The following MDGA2 variants were observed in gnomAD, a reference collection of about 807,000 sequenced individuals.
The protein encoded by MDGA2 is MAM domain-containing glycosylphosphatidylinositol anchor protein 2.
MDGA2 carries 40 observed loss-of-function variants against 117.8 expected under a neutral mutation model. The observed-to-expected ratio is 0.34, with a 90% CI of 0.26 to 0.44. The LOEUF (loss-of-function observed/expected upper bound fraction) is 0.44, where lower values mean the gene tolerates loss of function less well. Among genes scored for constraint, MDGA2 ranks in the 20% least tolerant of loss-of-function variants. The pLI, the probability that MDGA2 is intolerant of heterozygous loss-of-function variation, is 1.00. For missense variants in MDGA2, 1,123 were observed against 1,250.6 expected, an observed-to-expected ratio of 0.90 and a Z score of 1.54; for synonymous variants, 452 against 439.0, an observed-to-expected ratio of 1.03 and a Z score of -0.37.
Position 47,614,022 on chromosome 14 carries a change from C to A in MDGA2, c.280+60495G>T, listed in dbSNP as rs570449104. Among the ~76,000 whole-genome samples the A allele has an allele frequency of 4.1e-5, 6 of 147,718 alleles. No homozygotes were observed. In the South Asian group the frequency reaches 6.5e-4, roughly 16 times the overall value. The stretch of plus-strand genomic sequence containing the variant: ...GAAGTTATGATAAACTTTTCCCGGA[C>A]AAAAATCAATTTTCCCCATAAAAAA... On this transcript the variant is annotated intron_variant, in intron 1 of 16. Transcript: ENST00000399232.
At chr14:47,376,868 C>G (rs1891490775) in intron 1 of MDGA2, among the ~76,000 whole-genome samples, 1 of 152,094 alleles carries the variant, frequency 6.6e-6, no homozygotes, top group African/African-American at 2.4e-5. Context: ...AAAGGGGGGG[C>G]ACAAACTTTC....
At chr14:47,568,229 T>C (rs1895955271) in intron 1 of MDGA2, among the ~76,000 whole-genome samples, 1 of 152,202 alleles carries the variant, frequency 6.6e-6, no homozygotes, top group Non-Finnish European at 1.5e-5. Flanking sequence ...TTTACTCCAG[T>C]ACCGCAAGTA....
At chr14:46,889,360 T>A (rs148065460) in intron 10 of MDGA2, among the ~76,000 whole-genome samples, 1 of 152,204 alleles carries the variant, frequency 6.6e-6, no homozygotes, top group East Asian at 1.9e-4. Flanking sequence ...TGACTGTGTA[T>A]TTTTTAGATA....
chr14:47,113,050 G>C (rs12880524), intron 5 of MDGA2, among the ~76,000 whole-genome samples: 1 of 151,654 alleles, frequency 6.6e-6, no homozygotes, highest in South Asian at 2.1e-4. Context: ...TCTTTTGAGA[G>C]GTGTCTGTTC....
At chr14:47,123,812 G>A (rs1018983132) in intron 5 of MDGA2, among the ~76,000 whole-genome samples, 2 of 151,976 alleles carry the variant, frequency 1.3e-5, no homozygotes, top group Non-Finnish European at 2.9e-5. Flanking sequence ...GAACAATGCT[G>A]TCCCCAAAAG....
chr14:46,849,137 ACT>A (rs1880960555), intron 15 of MDGA2, among the ~76,000 whole-genome samples: 1 of 151,874 alleles, frequency 6.6e-6, no homozygotes, highest in Admixed American at 6.6e-5. Flanking sequence ...TAGCAATAAA[ACT>A]CTTAGTACAG....
chr14:47,091,368 G>C (rs1879646748), intron 6 of MDGA2, among the ~76,000 whole-genome samples: 1 of 152,006 alleles, frequency 6.6e-6, no homozygotes, highest in South Asian at 2.1e-4. Flanking sequence ...TTAAAAAGCA[G>C]ACAATAAGTA....
At chr14:46,851,411 A>C (rs1881051489) in intron 15 of MDGA2, among the ~76,000 whole-genome samples, 1 of 151,894 alleles carries the variant, frequency 6.6e-6, no homozygotes, top group Non-Finnish European at 1.5e-5. Flanking sequence ...CCAATGTAGC[A>C]AAATCTGTTT....
chr14:47,090,126 G>A (rs370671106), intron 6 of MDGA2, among the ~76,000 whole-genome samples: 1 of 151,960 alleles, frequency 6.6e-6, no homozygotes, highest in Non-Finnish European at 1.5e-5. Flanking sequence ...AATAAGTTCA[G>A]AACAAATTAT....
intron 8 of MDGA2, among the ~76,000 whole-genome samples, chr14:46,990,212 T>C (rs1887032663): frequency 6.6e-6 from 1 of 152,102 alleles, no homozygotes; most frequent in South Asian, 2.1e-4. Context: ...AAGCACTTAT[T>C]ATAGTCCCTT....
chr14:47,375,666 TTTTTAGTTACCTCATAAA>T (rs1177581599), intron 1 of MDGA2, among the ~76,000 whole-genome samples: 1 of 152,120 alleles, frequency 6.6e-6, no homozygotes. Flanking sequence ...CAGATCTCAA[TTTTTAGTTACCTCATAAA>T]ACTTTTCCTG....
intron 6 of MDGA2, among the ~76,000 whole-genome samples, chr14:47,089,089 A>C (rs1378120685): frequency 6.6e-6 from 1 of 151,744 alleles, no homozygotes; most frequent in South Asian, 2.1e-4. Context: ...TATTGTTGAG[A>C]TTTTTTTTTC....
At chr14:47,493,688 C>T (rs1950380) in intron 1 of MDGA2, among the ~76,000 whole-genome samples, 113,387 of 152,034 alleles carry the variant, frequency 0.75, 42,785 homozygotes, top group East Asian at 1. Context: ...CTATCGAATA[C>T]TTTTAAAATT....
At chr14:47,068,488 T>C (rs990480125) in intron 6 of MDGA2, among the ~76,000 whole-genome samples, 1 of 151,480 alleles carries the variant, frequency 6.6e-6, no homozygotes, top group East Asian at 1.9e-4. Flanking sequence ...AACATTTACA[T>C]GTGGCTACCA....
intron 1 of MDGA2, among the ~76,000 whole-genome samples, chr14:47,569,975 C>T (rs1336166251): frequency 2.0e-5 from 3 of 152,088 alleles, no homozygotes; most frequent in Middle Eastern, 3.4e-3. Flanking sequence ...AATGTTTAGG[C>T]AAAATAAATC....
chr14:47,172,659 C>G (rs1012114670), intron 3 of MDGA2, among the ~76,000 whole-genome samples: 1 of 152,096 alleles, frequency 6.6e-6, no homozygotes, highest in Non-Finnish European at 1.5e-5. Flanking sequence ...ACATCACCAT[C>G]ATCAAACACC....
chr14:47,082,497 CA>C (rs1244583873), intron 6 of MDGA2, among the ~76,000 whole-genome samples: 2 of 151,870 alleles, frequency 1.3e-5, no homozygotes, highest in East Asian at 3.9e-4. Context: ...AGGAATGGGG[CA>C]AATAGCAGAC....
At chr14:47,033,787 T>C (rs950137128) in intron 8 of MDGA2, among the ~76,000 whole-genome samples, 3 of 152,280 alleles carry the variant, frequency 2.0e-5, no homozygotes, top group South Asian at 4.1e-4. Context: ...TGAGGTTCTA[T>C]AGAAGAGGGG....
intron 15 of MDGA2, among the ~76,000 whole-genome samples, chr14:46,853,869 C>T (rs1881158528): frequency 6.6e-6 from 1 of 151,696 alleles, no homozygotes. Flanking sequence ...CTTTGGAATC[C>T]TGTCTTCCCA....
Sources: gnomAD v4.1 joint callset for allele counts (sites outside exome capture counted in the v4.1 genomes callset) on GRCh38, gnomAD v4.1.1 for gene constraint, MANE v1.5 for transcripts, NCBI Gene and HGNC (gene_info 2026-07-23, HGNC 2026-07-21) for gene names.